MCCC1: variants seen among roughly 807,000 people sequenced by gnomAD.
The protein encoded by MCCC1 is methylcrotonyl-CoA carboxylase subunit 1.
MCCC1 carries 64 observed loss-of-function variants against 83.8 expected under a neutral mutation model. The observed-to-expected ratio is 0.76, with a 90% confidence interval of 0.62 to 0.94. The LOEUF (loss-of-function observed/expected upper bound fraction) is 0.94, where lower values mean the gene tolerates loss of function less well. MCCC1 is among the 40% of genes least tolerant of loss of function. The pLI, the probability that MCCC1 is intolerant of heterozygous loss-of-function variation, is 0.00. For missense variants in MCCC1, 807 were observed against 904.7 expected (o/e 0.89, Z 1.39); for synonymous variants, 322 against 315.4 (o/e 1.02, Z -0.22).
At chr3:183,053,349 A>G (rs2108499229) in intron 8 of MCCC1, among the ~76,000 whole-genome samples, 1 of 152,150 alleles carries the variant, frequency 6.6e-6, no homozygotes, top group Non-Finnish European at 1.5e-5. Context: ...TTGGCCAGGC[A>G]TGATAGCACA....
chr3:183,025,633 T>C, intron 15 of MCCC1, 122 bp downstream of exon 15: 2 of 898,674 alleles, frequency 2.2e-6, no homozygotes, highest in Non-Finnish European at 1.8e-6. Context: ...GCATAAGATA[T>C]TCTCTTAACT....
rs778069507 is a variant in MCCC1 at position 183,094,543 on chromosome 3, CAA to C, written c.136+14_136+15del. On this transcript the variant is annotated intron_variant, in intron 2 of 18. Coordinates refer to ENST00000265594, the MANE Select transcript of MCCC1 (RefSeq NM_020166.5). The stretch of plus-strand genomic sequence containing the variant: ...TCTGAAGCAAAATCAAATAGAACAA[CAA>C]AGTCTGTCAGTACCTGTGGCTGTTG... 6.2e-7 allele frequency: 1 copy of C among 1,613,918 alleles called. No homozygotes were observed. The highest frequency in any genetic ancestry group is 1.7e-5 in the Admixed American group (1 of 60,028).
At chr3:183,070,414 G>A (rs2108524852) in intron 7 of MCCC1, among the ~76,000 whole-genome samples, 1 of 152,312 alleles carries the variant, frequency 6.6e-6, no homozygotes, top group East Asian at 1.9e-4. Flanking sequence ...ATGGAAAGAT[G>A]TCTGTGATAT....
Position 183,071,110 on chromosome 3 carries a change from A to G in MCCC1, c.650T>C (p.Ile217Thr), listed in dbSNP as rs746161844. Residue 217 changes from isoleucine (I) to threonine (T), a missense_variant, in exon 7 of 19, where the codon ATT becomes ACT. Transcript: ENST00000265594. The part of the protein sequence containing the change: ...VRGGGGKGMR[I>T]VRSEQEFQEQ... ...TTGAAATTCTTGTTCTGATCTAACA[A>G]TCCTCATTCCCTAAGAGAGAAAAGA... The G allele has an allele frequency of 1.9e-6, 3 of 1,614,090 alleles. No individual in the cohort carries two copies. The East Asian group carries it at 6.7e-5, about 36-fold the overall frequency.
At chr3:183,039,735 C>T (rs1713910485) in intron 11 of MCCC1, among the ~76,000 whole-genome samples, 1 of 152,102 alleles carries the variant, frequency 6.6e-6, no homozygotes, top group South Asian at 2.1e-4. Flanking sequence ...TTGAAAAGAA[C>T]GTTGTTGCAG....
chr3:183,057,947 A>AT (rs1715546346), intron 7 of MCCC1, among the ~76,000 whole-genome samples: 1 of 152,200 alleles, frequency 6.6e-6, no homozygotes, highest in Non-Finnish European at 1.5e-5. Context: ...AAGAGAAAAA[A>AT]TCTCTCTACA....
At chr3:183,034,530 G>T (rs1485042181) in intron 13 of MCCC1, among the ~76,000 whole-genome samples, 1 of 149,612 alleles carries the variant, frequency 6.7e-6, no homozygotes, top group Non-Finnish European at 1.5e-5. Context: ...TTCTTGTTAA[G>T]TTTAAAGGGC....
At chr3:183,024,297 T>C (rs1022965135) in intron 15 of MCCC1, among the ~76,000 whole-genome samples, 20 of 152,160 alleles carry the variant, frequency 1.3e-4, no homozygotes, top group Admixed American at 2.6e-4. Context: ...TTGTTTTTTA[T>C]ACTCTCATTC....
At chr3:183,036,820 C>T (rs374046745) in intron 13 of MCCC1, among the ~76,000 whole-genome samples, 6 of 150,984 alleles carry the variant, frequency 4.0e-5, no homozygotes, top group Non-Finnish European at 8.9e-5. Flanking sequence ...ATCACAGGCA[C>T]GTGCCACCAC....
At chr3:183,097,690 C>A (rs1227631620) in intron 1 of MCCC1, among the ~76,000 whole-genome samples, 1 of 152,184 alleles carries the variant, frequency 6.6e-6, no homozygotes, top group Non-Finnish European at 1.5e-5. Flanking sequence ...CAGGCATGAA[C>A]CAAGTCTCCT....
At chr3:183,083,339 A>G (rs907113702) in intron 4 of MCCC1, among the ~76,000 whole-genome samples, 1 of 152,214 alleles carries the variant, frequency 6.6e-6, no homozygotes, top group African/African-American at 2.4e-5. Context: ...TCTGCCCCAA[A>G]GAGCTAAACA....
intron 7 of MCCC1, among the ~76,000 whole-genome samples, chr3:183,059,882 C>A (rs1416150602): frequency 6.6e-6 from 1 of 152,050 alleles, no homozygotes; most frequent in Non-Finnish European, 1.5e-5. Flanking sequence ...TAGTATTTTC[C>A]TTCCTTGTGG....
At chr3:183,095,540 C>T (rs1337197342) in intron 1 of MCCC1, among the ~76,000 whole-genome samples, 1 of 152,174 alleles carries the variant, frequency 6.6e-6, no homozygotes, top group African/African-American at 2.4e-5. Context: ...GGTCGAGTCA[C>T]TTTACATCAG....
chr3:183,103,715 G>C (rs1266178487), upstream of MCCC1, among the ~76,000 whole-genome samples: 1 of 152,220 alleles, frequency 6.6e-6, no homozygotes, highest in African/African-American at 2.4e-5. Flanking sequence ...GCTGCAGGTG[G>C]AGCTGCCTGC....
At chr3:183,081,290 G>C (rs1717475913) in intron 4 of MCCC1, among the ~76,000 whole-genome samples, 2 of 152,322 alleles carry the variant, frequency 1.3e-5, no homozygotes, top group South Asian at 4.1e-4. Flanking sequence ...GTGGGTCATA[G>C]GATTGCAAAC....
chr3:183,042,779 T>G (rs1714196304), intron 10 of MCCC1, among the ~76,000 whole-genome samples: 1 of 152,262 alleles, frequency 6.6e-6, no homozygotes, highest in Non-Finnish European at 1.5e-5. Context: ...CTTTCCATGC[T>G]TCAGAGAAAA....
intron 10 of MCCC1, 75 bp from the exon 11 acceptor site, chr3:183,041,825 T>C: frequency 6.6e-7 from 1 of 1,524,666 alleles, no homozygotes; most frequent in Non-Finnish European, 9.1e-7. Context: ...ATGGTCTTGC[T>C]TTTTTTCTAG....
At chr3:183,099,153 G>C (rs1718961573) in intron 1 of MCCC1, 199 bp downstream of exon 1, 3 of 625,414 alleles carry the variant, frequency 4.8e-6, no homozygotes, top group Non-Finnish European at 5.6e-6. Context: ...TGCGGAAGCG[G>C]GGAGAAAGGG....
intron 9 of MCCC1, among the ~76,000 whole-genome samples, chr3:183,046,974 C>T (rs1178066707): frequency 2.6e-5 from 4 of 152,080 alleles, no homozygotes; most frequent in African/African-American, 9.7e-5. Context: ...AACTCCAAGG[C>T]GACCCAGTTA....
Sources: allele counts gnomAD v4.1 joint callset (sites outside exome capture counted in the v4.1 genomes callset), GRCh38; gene constraint gnomAD v4.1.1; transcripts MANE v1.5; gene names NCBI Gene and HGNC (gene_info 2026-07-23, HGNC 2026-07-21).